CNTNAP3B: variants seen among roughly 807,000 people sequenced by gnomAD.
CNTNAP3B encodes contactin-associated protein-like 3B.
In CNTNAP3B, 25 loss-of-function variants were observed where a neutral mutation model predicts 108.9. The ratio of observed to expected loss-of-function variants is 0.23; its 90% CI spans 0.17 to 0.32. The LOEUF (loss-of-function observed/expected upper bound fraction) is 0.32. Ranked by LOEUF, CNTNAP3B falls within the 10% of genes least tolerant of loss-of-function variation. CNTNAP3B has a pLI of 1.00. For missense variants in CNTNAP3B, 252 were observed against 1,210.4 expected, an observed-to-expected ratio of 0.21 and a Z score of 11.75; for synonymous variants, 103 against 473.4, an observed-to-expected ratio of 0.22 and a Z score of 10.16.
intron 1 of CNTNAP3B, among the ~76,000 whole-genome samples, chr9:42,117,244 A>G (rs1423713569): frequency 7.5e-6 from 1 of 133,962 alleles, no homozygotes; most frequent in East Asian, 2.3e-4. Context: ...ACCACATCAC[A>G]CTTACTCCAA....
At position 42,098,299 on chromosome 9, in the gene CNTNAP3B, C is replaced by T. The variant is rs1278213566; in HGVS notation, c.196+6330G>A. Among the ~76,000 whole-genome samples the T allele has an allele frequency of 1.1e-4, 14 of 128,020 alleles. No individual in the cohort carries two copies. The South Asian group carries it at 1.6e-3, about 14-fold the overall frequency. 84.0% of individuals were successfully genotyped at this position (128,020 alleles called of 152,430 possible). On this transcript the variant is annotated intron_variant, in intron 2 of 23. Transcript: ENST00000377561. Reference sequence around the variant, plus strand: ...CCATGAAAAAGATAACTAGGCTGGGCGTGGTGGCTCACGCCTGTAATCCCA... The same window carrying T: ...CCATGAAAAAGATAACTAGGCTGGGTGTGGTGGCTCACGCCTGTAATCCCA...
chr9:41,943,566 A>T (rs1824430607), intron 13 of CNTNAP3B, among the ~76,000 whole-genome samples: 3 of 151,626 alleles, frequency 2.0e-5, no homozygotes, highest in South Asian at 4.2e-4. Context: ...GGTAGCCAGG[A>T]TGGTCTGGAT....
At chr9:42,026,608 A>G (rs1449734093) in intron 3 of CNTNAP3B, among the ~76,000 whole-genome samples, 11 of 101,486 alleles carry the variant, frequency 1.1e-4, no homozygotes, top group African/African-American at 3.5e-4. Context: ...AAAAAAAAAA[A>G]AAAGCCTTTC....
chr9:42,056,603 G>A (rs1272458881), intron 3 of CNTNAP3B, among the ~76,000 whole-genome samples: 1 of 138,050 alleles, frequency 7.2e-6, no homozygotes, highest in African/African-American at 2.9e-5. Flanking sequence ...GCCCACCTCG[G>A]CCTTCCAAAG....
intron 13 of CNTNAP3B, among the ~76,000 whole-genome samples, chr9:41,950,297 G>A (rs1824636259): frequency 9.6e-6 from 1 of 104,202 alleles, no homozygotes; most frequent in African/African-American, 3.7e-5. Context: ...GGTGGGAATG[G>A]TACAACCATT....
In CNTNAP3B at chr9:42,100,314, T is replaced by C. The variant is rs1172399152; in HGVS notation, c.196+4315A>G. Among the ~76,000 whole-genome samples, 2 of 60,500 alleles carry C rather than the reference T, an allele frequency of 3.3e-5. 1 individual carries two copies. Among genetic ancestry groups the C allele is most frequent in the South Asian group, 1.1e-3 (2 of 1,752 alleles). 39.7% of individuals were successfully genotyped at this position (60,500 alleles called of 152,430 possible). ...ACATTCCAGCTTGGGTCAGCAGACA[T>C]GTTACAGCTACAGACTCTTATGTTT... On this transcript the variant is annotated intron_variant, in intron 2 of 23. Coordinates refer to ENST00000377561, the MANE Select transcript of CNTNAP3B (RefSeq NM_001201380.3).
chr9:42,124,381 G>A lies in CNTNAP3B; in HGVS notation c.85+4629C>T, dbSNP rs867228970. On this transcript the variant is annotated intron_variant, in intron 1 of 23. Coordinates refer to ENST00000377561, the MANE Select transcript of CNTNAP3B (RefSeq NM_001201380.3). The stretch of plus-strand genomic sequence containing the variant: ...CTGTAGTCCTGTTAAGGCTATCATA[G>A]TAAGCAATGAATTTCACACTTGTCT... Among the ~76,000 whole-genome samples, 237 of 137,126 alleles carry A rather than the reference G, an allele frequency of 1.7e-3. 48 individuals are homozygous for A. Among genetic ancestry groups the A allele is most frequent in the African/African-American group, 6.7e-3 (231 of 34,288 alleles). 90.0% of individuals were successfully genotyped at this position (137,126 alleles called of 152,430 possible).
rs2118724829 is a variant in CNTNAP3B, at chr9:42,115,126, G to A, written c.86-10387C>T. Among the ~76,000 whole-genome samples, 2 of 138,318 alleles carry A rather than the reference G, an allele frequency of 1.4e-5. 1 individual carries two copies. Among genetic ancestry groups the A allele is most frequent in the Admixed American group, 1.4e-4 (2 of 13,886 alleles). The allele number at this position is 138,318 out of a possible 152,430, so 90.7% of individuals were successfully genotyped here. A position where few individuals can be genotyped will look rare whatever the true frequency, so the allele number is the denominator to read the frequency against. On this transcript the variant is annotated intron_variant, in intron 1 of 23. Transcript: ENST00000377561. ...GCAATATAAAGCAAAGTGAGTTAAA[G>A]CCCAGAACACATTAAGACTTTCAAA... is the stretch of plus-strand genomic sequence containing the variant.
chr9:42,078,534 G>A (rs1450862851), intron 2 of CNTNAP3B, among the ~76,000 whole-genome samples: 3 of 139,076 alleles, frequency 2.2e-5, no homozygotes, highest in Admixed American at 7.2e-5. Flanking sequence ...GTTCTGAATT[G>A]AAGAGTCAGG....
intron 14 of CNTNAP3B, among the ~76,000 whole-genome samples, chr9:41,932,654 G>A (rs1383911814): frequency 6.6e-6 from 1 of 152,184 alleles, no homozygotes; most frequent in Non-Finnish European, 1.5e-5. Context: ...AGAGTAGCTG[G>A]GATTACATGC....
chr9:41,934,186 C>CATATATATAT (rs1159447535), intron 14 of CNTNAP3B, among the ~76,000 whole-genome samples: 1,674 of 131,842 alleles, frequency 0.013, 8 homozygotes, highest in Non-Finnish European at 0.018. Flanking sequence ...TACACACACA[C>CATATATATAT]ACATATATAT....
chr9:41,951,406 A>G (rs1322546287), intron 13 of CNTNAP3B, among the ~76,000 whole-genome samples: 1 of 106,414 alleles, frequency 9.4e-6, no homozygotes, highest in Admixed American at 9.8e-5. Context: ...GCTACACTTC[A>G]TTCAACAGCA....
At chr9:41,936,823 G>C (rs1824171329) in intron 14 of CNTNAP3B, among the ~76,000 whole-genome samples, 1 of 152,260 alleles carries the variant, frequency 6.6e-6, no homozygotes, top group Admixed American at 6.5e-5. Context: ...TCATAAATCT[G>C]TATGATCATT....
At chr9:41,962,380 C>T (rs1825126994) in intron 11 of CNTNAP3B, among the ~76,000 whole-genome samples, 2 of 152,246 alleles carry the variant, frequency 1.3e-5, no homozygotes, top group South Asian at 2.1e-4. Context: ...GATATTTTCC[C>T]TCAGAAGTTT....
At chr9:42,123,633 C>T (rs1828508662) in intron 1 of CNTNAP3B, among the ~76,000 whole-genome samples, 2 of 134,224 alleles carry the variant, frequency 1.5e-5, no homozygotes, top group South Asian at 2.4e-4. Flanking sequence ...CAAGTCCAAG[C>T]CTTCTAAAAG....
At chr9:41,935,176 C>T (rs1824119052) in intron 14 of CNTNAP3B, among the ~76,000 whole-genome samples, 1 of 152,282 alleles carries the variant, frequency 6.6e-6, no homozygotes, top group African/African-American at 2.4e-5. Context: ...AAATCTTTGG[C>T]ATGTTATAGT....
chr9:42,062,049 CT>C (rs370636435), intron 3 of CNTNAP3B, among the ~76,000 whole-genome samples: 3 of 45,984 alleles, frequency 6.5e-5, no homozygotes, highest in African/African-American at 1.4e-4. Flanking sequence ...CTTTATCCTT[CT>C]TTTTTTTTTG....
At chr9:42,010,427 A>C (rs1466521556) in intron 4 of CNTNAP3B, among the ~76,000 whole-genome samples, 49 of 145,090 alleles carry the variant, frequency 3.4e-4, no homozygotes, top group Non-Finnish European at 7.1e-4. Flanking sequence ...CTCACTGGAC[A>C]TGGAGGGCAA....
intron 11 of CNTNAP3B, among the ~76,000 whole-genome samples, chr9:41,961,582 G>A (rs560460047): frequency 1.0e-3 from 153 of 152,356 alleles, no homozygotes; most frequent in Admixed American, 5.9e-3. Context: ...TAAGCTATGC[G>A]GCAGTTATAC....
Sources: allele counts gnomAD v4.1 joint callset (sites outside exome capture counted in the v4.1 genomes callset), GRCh38; gene constraint gnomAD v4.1.1; transcripts MANE v1.5; gene names NCBI Gene and HGNC (gene_info 2026-07-23, HGNC 2026-07-21).